The following CDH18 variants were observed in gnomAD, a reference collection of about 807,000 sequenced individuals.
The protein encoded by CDH18 is cadherin-18.
CDH18 carries 31 observed loss-of-function variants against 67.9 expected under a neutral mutation model. The ratio of observed to expected loss-of-function variants is 0.46; its 90% CI spans 0.34 to 0.62. The LOEUF is 0.62. Ranked by LOEUF, CDH18 falls within the 20% of genes least tolerant of loss-of-function variation. The pLI is 0.01. For synonymous variants in CDH18, 362 were observed against 347.2 expected (o/e 1.04, Z -0.48); for missense variants, 890 against 975.5 (o/e 0.91, Z 1.17).
chr5:20,188,162 T>A (rs183961168), intron 2 of CDH18, among the ~76,000 whole-genome samples: 1 of 152,090 alleles, frequency 6.6e-6, no homozygotes, highest in East Asian at 1.9e-4. Flanking sequence ...AAATCATATA[T>A]ACAATTTTTT....
At chr5:19,805,091 C>T (rs1185614280) in intron 3 of CDH18, among the ~76,000 whole-genome samples, 2 of 151,862 alleles carry the variant, frequency 1.3e-5, no homozygotes, top group Non-Finnish European at 2.9e-5. Context: ...AGACTACAGG[C>T]GTACACCACC....
At chr5:20,109,695 C>G (rs1265767793) in intron 2 of CDH18, among the ~76,000 whole-genome samples, 1 of 152,154 alleles carries the variant, frequency 6.6e-6, no homozygotes, top group African/African-American at 2.4e-5. Context: ...TAGGAAACAG[C>G]ACAGTCATTT....
intron 7 of CDH18, among the ~76,000 whole-genome samples, chr5:19,582,095 T>C (rs1213639745): frequency 6.6e-6 from 1 of 152,022 alleles, no homozygotes; most frequent in Non-Finnish European, 1.5e-5. Flanking sequence ...GATCTTTCAT[T>C]TCAAATAGCT....
intron 1 of CDH18, among the ~76,000 whole-genome samples, chr5:20,373,043 A>C (rs1295248813): frequency 6.6e-6 from 1 of 152,148 alleles, no homozygotes; most frequent in African/African-American, 2.4e-5. Context: ...CCATATTGTT[A>C]TTGTTGATAT....
intron 2 of CDH18, among the ~76,000 whole-genome samples, 190 bp from the exon 3 acceptor site, chr5:19,839,432 A>G (rs543999724): frequency 6.6e-6 from 1 of 152,324 alleles, no homozygotes; most frequent in Non-Finnish European, 1.5e-5. Context: ...TCCTGTCTGT[A>G]CCATTAATTC....
At chr5:20,544,568 G>GGA (rs370523244) in intron 1 of CDH18, among the ~76,000 whole-genome samples, 9 of 139,004 alleles carry the variant, frequency 6.5e-5, no homozygotes, top group South Asian at 4.4e-4. Context: ...ACATGGCAGA[G>GGA]GAGAGAGAGA....
chr5:20,206,043 T>G (rs1284172602), intron 2 of CDH18, among the ~76,000 whole-genome samples: 1 of 151,334 alleles, frequency 6.6e-6, no homozygotes, highest in Non-Finnish European at 1.5e-5. Context: ...TACAGAAGAT[T>G]AACAAAATGA....
At chr5:20,176,703 T>C (rs1388874517) in intron 2 of CDH18, among the ~76,000 whole-genome samples, 5 of 152,178 alleles carry the variant, frequency 3.3e-5, no homozygotes, top group African/African-American at 1.2e-4. Context: ...TTTTGCTTTA[T>C]ATAATTTTAC....
intron 9 of CDH18, 92 bp from the exon 10 acceptor site, chr5:19,520,870 T>C: frequency 7.4e-7 from 1 of 1,345,854 alleles, no homozygotes; most frequent in Non-Finnish European, 1.0e-6. Context: ...AGCTTGTCAC[T>C]GGTTCCATAT....
intron 1 of CDH18, among the ~76,000 whole-genome samples, chr5:20,477,218 C>A (rs538217220): frequency 6.6e-6 from 1 of 152,198 alleles, no homozygotes; most frequent in African/African-American, 2.4e-5. Flanking sequence ...CACCCACACA[C>A]ACACGAGGGA....
chr5:20,565,981 C>G (rs1468515390), intron 1 of CDH18, among the ~76,000 whole-genome samples: 2 of 152,080 alleles, frequency 1.3e-5, no homozygotes, highest in Non-Finnish European at 1.5e-5. Flanking sequence ...TAGTATCTCA[C>G]ACAATTCCCT....
intron 5 of CDH18, among the ~76,000 whole-genome samples, chr5:19,692,972 G>T (rs1762088399): frequency 6.6e-6 from 1 of 151,992 alleles, no homozygotes; most frequent in East Asian, 1.9e-4. Context: ...CTTCACAATA[G>T]CAAAGCTATG....
chr5:19,880,925 T>G (rs886449307), intron 2 of CDH18, among the ~76,000 whole-genome samples: 1 of 152,174 alleles, frequency 6.6e-6, no homozygotes, highest in Non-Finnish European at 1.5e-5. Context: ...TTATTGACTC[T>G]GTTGGCTGTA....
intron 5 of CDH18, among the ~76,000 whole-genome samples, chr5:19,617,741 T>C (rs952654021): frequency 1.3e-5 from 2 of 152,198 alleles, no homozygotes; most frequent in African/African-American, 2.4e-5. Context: ...TGGTAAACAA[T>C]TGTAGGTGCC....
chr5:20,414,706 G>A (rs946430949), intron 1 of CDH18, among the ~76,000 whole-genome samples: 1 of 152,152 alleles, frequency 6.6e-6, no homozygotes, highest in Non-Finnish European at 1.5e-5. Flanking sequence ...TGGCCAACAG[G>A]TATGTGAAAA....
chr5:19,711,427 A>C (rs1764686082), intron 5 of CDH18, among the ~76,000 whole-genome samples: 1 of 151,938 alleles, frequency 6.6e-6, no homozygotes, highest in African/African-American at 2.4e-5. Flanking sequence ...AACAACAAAC[A>C]AATAACCCTA....
At chr5:20,247,934 T>G (rs886312116) in intron 2 of CDH18, among the ~76,000 whole-genome samples, 3 of 152,068 alleles carry the variant, frequency 2.0e-5, no homozygotes, top group Admixed American at 6.6e-5. Context: ...ACAAGAAAAT[T>G]TATGAGAAAA....
At chr5:20,504,588 G>T (rs1243735425) in intron 1 of CDH18, among the ~76,000 whole-genome samples, 1 of 152,030 alleles carries the variant, frequency 6.6e-6, no homozygotes, top group African/African-American at 2.4e-5. Context: ...CATGCAAAGA[G>T]ATTGCTATAA....
intron 2 of CDH18, among the ~76,000 whole-genome samples, chr5:19,888,330 A>C (rs1788444886): frequency 6.6e-6 from 1 of 152,006 alleles, no homozygotes; most frequent in South Asian, 2.1e-4. Context: ...ACAACACTTA[A>C]ATCCTTAACA....
Sources: allele counts gnomAD v4.1 joint callset (sites outside exome capture counted in the v4.1 genomes callset), GRCh38; gene constraint gnomAD v4.1.1; transcripts MANE v1.5; gene names NCBI Gene and HGNC (gene_info 2026-07-23, HGNC 2026-07-21).